Variants in GANAB observed in about 807,000 individuals in gnomAD.
GANAB encodes the protein neutral alpha-glucosidase AB.
Under a neutral mutation model 129.9 loss-of-function variants are expected in GANAB, and 35 were observed. The observed-to-expected ratio is 0.27, with a 90% CI of 0.21 to 0.36. The LOEUF is 0.36. Ranked by LOEUF, GANAB falls within the 10% of genes least tolerant of loss-of-function variation. The pLI, the probability that GANAB is intolerant of heterozygous loss-of-function variation, is 1.00. For missense variants in GANAB, 939 were observed against 1,221.0 expected, an observed-to-expected ratio of 0.77 and a Z score of 3.44; for synonymous variants, 482 against 451.8, an observed-to-expected ratio of 1.07 and a Z score of -0.85.
Position 62,626,452 on chromosome 11 carries a change from G to A in GANAB, c.2512-5C>T. 1.9e-6 allele frequency: 3 copies of A among 1,594,480 alleles called. No homozygotes were observed. Among genetic ancestry groups the A allele is most frequent in the East Asian group, 2.2e-5 (1 of 44,800 alleles). On this transcript the variant is annotated splice_region_variant and splice_polypyrimidine_tract_variant and intron_variant, in intron 21 of 23. Transcript: ENST00000356638. The stretch of plus-strand genomic sequence containing the variant: ...GAGCTCTCCTTGAGCTGTACCCTGA[G>A]CAAGAAGTGGGATAGGTGAGCGCCT...
chr11:62,642,015 C>T (rs1022432966), intron 1 of GANAB, among the ~76,000 whole-genome samples: 1 of 151,720 alleles, frequency 6.6e-6, no homozygotes, highest in Non-Finnish European at 1.5e-5. Flanking sequence ...GCAAAGAGAC[C>T]AGCCTGGCCA....
intron 17 of GANAB, among the ~76,000 whole-genome samples, chr11:62,627,925 T>C: frequency 6.6e-6 from 1 of 152,208 alleles, no homozygotes; most frequent in East Asian, 1.9e-4. Context: ...AGTAGCCTCC[T>C]TGCATGTTTC....
At chr11:62,646,412 C>G in intron 1 of GANAB, 150 bp downstream of exon 1, 1 of 841,320 alleles carries the variant, frequency 1.2e-6, no homozygotes, top group South Asian at 1.5e-5. Context: ...ACGGGGAGAC[C>G]GGAGGCGTCT....
intron 4 of GANAB, 120 bp from the exon 5 acceptor site, chr11:62,635,120 G>A: frequency 3.1e-6 from 2 of 638,388 alleles, no homozygotes; most frequent in Non-Finnish European, 5.5e-6. Context: ...TAACAGAGCA[G>A]GGATAGACAA....
intron 1 of GANAB, among the ~76,000 whole-genome samples, chr11:62,642,069 A>G (rs1344629668): frequency 6.6e-6 from 1 of 151,898 alleles, no homozygotes; most frequent in Non-Finnish European, 1.5e-5. Flanking sequence ...AAAATTAGCC[A>G]GGCATGGGAG....
At chr11:62,639,781 G>A (rs780988062) in intron 1 of GANAB, 50 bp from the exon 2 acceptor site, 2 of 1,235,300 alleles carry the variant, frequency 1.6e-6, no homozygotes, top group Non-Finnish European at 2.4e-6. Context: ...GGTCAGAAGG[G>A]GCCCCCTTCA....
At chr11:62,635,998 A>C (rs1012264334) in intron 4 of GANAB, among the ~76,000 whole-genome samples, 32 of 150,576 alleles carry the variant, frequency 2.1e-4, no homozygotes, top group Admixed American at 1.8e-3. Flanking sequence ...GACTTAAAAA[A>C]TTTTTTTTTC....
At position 62,628,844 on chromosome 11, in the gene GANAB, C is replaced by G; in HGVS notation, c.2105G>C (p.Gly702Ala). 4 of 1,614,104 alleles carry G rather than the reference C, an allele frequency of 2.5e-6. No individual in the cohort carries two copies. The highest frequency in any genetic ancestry group is 3.4e-6 in the Non-Finnish European group (4 of 1,179,998). The part of the protein sequence containing the change: ...QHNDIIRDAL[G>A]QRYSLLPFWY... ...GAAGGGCAGCAAAGAATATCGCTGG[C>G]CCAAGGCATCTCGGATTATATCATT... Residue 702 changes from glycine to alanine, a missense_variant, in exon 17 of 24, where the codon GGC becomes GCC. By Grantham distance (60) the Gly-to-Ala change is moderately conservative. Around this residue, in one of 5 missense-constraint regions of GANAB, gnomAD observed 147 missense variants for 282.4 expected, o/e 0.52. Transcript: ENST00000356638.
intron 1 of GANAB, chr11:62,639,978 G>A (rs1944153303): frequency 6.6e-6 from 3 of 456,882 alleles, no homozygotes; most frequent in Non-Finnish European, 8.0e-6. Flanking sequence ...GCTCACTCCT[G>A]TAATCCCAGC....
chr11:62,632,832 T>C (rs1015391318), intron 8 of GANAB, 87 bp from the exon 9 acceptor site: 23 of 1,143,240 alleles, frequency 2.0e-5, no homozygotes, highest in Non-Finnish European at 2.9e-5. Flanking sequence ...AGGTGAGAGA[T>C]AAGCAAAGGC....
rs1943334014 is a variant in GANAB, at chr11:62,625,641, G to A, written c.*174C>T. On this transcript the variant is annotated 3_prime_UTR_variant, in exon 24 of 24. Coordinates refer to ENST00000356638, the MANE Select transcript of GANAB (RefSeq NM_198334.3). ...AGTGGGAGAGGTGAGGAGATCACAA[G>A]AGGAATTTGGAGCCCAGGGTCAGCC... 1.6e-6 allele frequency: 1 copy of A among 609,252 alleles called. No homozygotes were observed. Among genetic ancestry groups the A allele is most frequent in the Non-Finnish European group, 2.9e-6 (1 of 339,206 alleles). The allele number at this position is 609,252 out of a possible 1,614,324, so 37.7% of individuals were successfully genotyped here. A position where few individuals can be genotyped will look rare whatever the true frequency, so the allele number is the denominator to read the frequency against.
chr11:62,632,746 C>G lies in GANAB; in HGVS notation c.816-1G>C. The stretch of plus-strand genomic sequence containing the variant: ...GTAGAGGCGATATGGCTCCCCACCC[C>G]TGCAGGCAAACAGACAGACTTGGGC... On this transcript the variant is annotated splice_acceptor_variant, in intron 8 of 23. Transcript: ENST00000356638. LOFTEE classifies it high-confidence loss of function. 1 of 1,612,464 alleles carries G rather than the reference C, an allele frequency of 6.2e-7. No homozygotes were observed. Among genetic ancestry groups the G allele is most frequent in the Non-Finnish European group, 8.5e-7 (1 of 1,178,908 alleles).
rs766029467 is a variant in GANAB, at chr11:62,630,659, G to A, written c.1328C>T (p.Pro443Leu). The A allele has an allele frequency of 6.2e-7, 1 of 1,614,172 alleles. No homozygotes were observed. Reference sequence around the variant, plus strand: ...GGTGCGGGGCTGAGGGAAGCGACTGGGGTCCCAGGTGAAATACCGCTTGCC... The same window carrying A: ...GGTGCGGGGCTGAGGGAAGCGACTGAGGTCCCAGGTGAAATACCGCTTGCC... ...ADGKRYFTWD[P>L]SRFPQPRTML... is the part of the protein sequence containing the mutation. Residue 443 changes from proline to leucine, a missense_variant, in exon 11 of 24, where the codon CCC (proline) becomes CTC (leucine). By Grantham distance (98) the Pro-to-Leu change is moderately conservative. Coordinates refer to ENST00000356638, the MANE Select transcript of GANAB (RefSeq NM_198334.3).
At position 62,646,547 on chromosome 11, in the gene GANAB, T is replaced by G; in HGVS notation, c.38+15A>C. ...GGGGCGTCCCGGGCGCGCCCCCAGA[T>G]TCCGGGCTCCTCACCGCCTCCTACG... is the stretch of plus-strand genomic sequence containing the variant. On this transcript the variant is annotated intron_variant, in intron 1 of 23. Transcript: ENST00000356638. 1 of 1,613,334 alleles carries G rather than the reference T, an allele frequency of 6.2e-7. No individual in the cohort carries two copies. Among genetic ancestry groups the G allele is most frequent in the Non-Finnish European group, 8.5e-7 (1 of 1,179,770 alleles).
chr11:62,634,860 C>A lies in GANAB; in HGVS notation c.521G>T (p.Gly174Val). 2 of 1,614,116 alleles carry A rather than the reference C, an allele frequency of 1.2e-6. No individual in the cohort carries two copies. Among genetic ancestry groups the A allele is most frequent in the Non-Finnish European group, 1.7e-6 (2 of 1,179,978 alleles). ...CCTCTGATGCTCAAACTCCAAGAGT[C>A]CTCGGGCATTGACACTAAGCAAAAG... ...RSLLLSVNARGLLEFEHQRAP... is the reference protein window; with the variant it reads ...RSLLLSVNARVLLEFEHQRAP... The change falls in exon 5 of 24, where the codon GGA becomes GTA. Residue 174 changes from glycine (G) to valine (V), a missense_variant. Physicochemically the swap from Gly to Val is moderately radical, Grantham distance 109. Around this residue, in one of 5 missense-constraint regions of GANAB, gnomAD observed 321 missense variants for 329.1 expected, o/e 0.98. Transcript: ENST00000356638.
At chr11:62,644,974 G>A (rs1944414339) in intron 1 of GANAB, among the ~76,000 whole-genome samples, 1 of 151,972 alleles carries the variant, frequency 6.6e-6, no homozygotes, top group Admixed American at 6.6e-5. Flanking sequence ...CCAGAAATGA[G>A]ATCACAGAGT....
rs754186120 is a variant in GANAB at position 62,628,790 on chromosome 11, C to T, written c.2159G>A (p.Arg720Gln). Residue 720 changes from arginine to glutamine, a missense_variant, in exon 17 of 24, where the codon CGG (arginine) becomes CAG (glutamine). This residue lies in a region of GANAB where 147 missense variants were observed against 282.4 expected (regional missense o/e 0.52). Coordinates refer to ENST00000356638, the MANE Select transcript of GANAB (RefSeq NM_198334.3). ...TCACCTCATGACAGGAATGCCTTCCCGATGGGCCTGATATAAGAGGGTGTA... is the reference window on the plus strand; with the variant it reads ...TCACCTCATGACAGGAATGCCTTCCTGATGGGCCTGATATAAGAGGGTGTA... Reference protein sequence around the residue: ...FWYTLLYQAHREGIPVMRPLW... With the variant: ...FWYTLLYQAHQEGIPVMRPLW... 31 of 1,613,978 alleles carry T rather than the reference C, an allele frequency of 1.9e-5. No homozygotes were observed. The highest frequency in any genetic ancestry group is 6.6e-5 in the South Asian group (6 of 91,078).
chr11:62,633,173 G>A lies in GANAB; in HGVS notation c.718+11C>T, dbSNP rs762484788. On this transcript the variant is annotated intron_variant, in intron 7 of 23. Transcript: ENST00000356638. Reference sequence around the variant, plus strand: ...CCCTGCACCCCAGCCCAAGGAACCCGAGCCCCTCACCATACGGCTTGCTGT... The same window carrying A: ...CCCTGCACCCCAGCCCAAGGAACCCAAGCCCCTCACCATACGGCTTGCTGT... The A allele has an allele frequency of 7.4e-6, 12 of 1,612,092 alleles. No homozygotes were observed. The highest frequency in any genetic ancestry group is 3.3e-5 in the South Asian group (3 of 91,024).
Position 62,625,221 on chromosome 11 carries a change from G to A in GANAB, c.*594C>T, listed in dbSNP as rs114214376. ...GCAGCTCTACAAGGAATCGGGGAGA[G>A]GAAAAGGGTAGAATGAGAGGGAAAA... is the stretch of plus-strand genomic sequence containing the variant. On this transcript the variant is annotated 3_prime_UTR_variant, in exon 24 of 24. Transcript: ENST00000356638. 2.2e-6 allele frequency: 1 copy of A among 454,824 alleles called. No homozygotes were observed. The highest frequency in any genetic ancestry group is 1.6e-5 in the South Asian group (1 of 64,484). 28.2% of individuals were successfully genotyped at this position (454,824 alleles called of 1,614,324 possible).
Sources: gnomAD v4.1 joint callset for allele counts (sites outside exome capture counted in the v4.1 genomes callset) on GRCh38, gnomAD v4.1.1 for gene constraint, gnomAD v4.1.1 regional missense constraint, MANE v1.5 for transcripts, NCBI Gene and HGNC (gene_info 2026-07-23, HGNC 2026-07-21) for gene names.